Variants in EYS observed in about 807,000 individuals in gnomAD.
EYS encodes the protein protein eyes shut homolog.
Under a neutral mutation model 282.1 loss-of-function variants are expected in EYS, and 250 were observed. The ratio of observed to expected loss-of-function variants is 0.89; its 90% CI spans 0.80 to 0.98. EYS has a LOEUF of 0.98. Among genes scored for constraint, EYS ranks in the 50% least tolerant of loss-of-function variants. The pLI, the probability that EYS is intolerant of heterozygous loss-of-function variation, is 0.00. For synonymous variants in EYS, 1,355 were observed against 1,282.9 expected, an observed-to-expected ratio of 1.06 and a Z score of -1.20; for missense variants, 4,016 against 3,709.0, an observed-to-expected ratio of 1.08 and a Z score of -2.15.
intron 14 of EYS, among the ~76,000 whole-genome samples, chr6:64,949,977 A>G (rs1311106351): frequency 1.3e-5 from 2 of 151,968 alleles, no homozygotes; most frequent in Non-Finnish European, 2.9e-5. Context: ...AGATCTAACA[A>G]CGTCAAAGAA....
intron 26 of EYS, among the ~76,000 whole-genome samples, chr6:64,523,654 G>C (rs139837248): frequency 1.1e-4 from 17 of 151,778 alleles, no homozygotes; most frequent in African/African-American, 3.6e-4. Context: ...TGCTTCTTGA[G>C]AGAGGAATGG....
At chr6:64,779,512 A>G (rs1416429302) in intron 22 of EYS, among the ~76,000 whole-genome samples, 1 of 152,164 alleles carries the variant, frequency 6.6e-6, no homozygotes, top group African/African-American at 2.4e-5. Context: ...TAGAGGAAGC[A>G]TAGGATTTTT....
chr6:65,404,272 C>T (rs762562566), intron 6 of EYS, among the ~76,000 whole-genome samples: 1 of 152,054 alleles, frequency 6.6e-6, no homozygotes, highest in Non-Finnish European at 1.5e-5. Flanking sequence ...ACACTGGATC[C>T]ACCCAAATAA....
chr6:63,758,127 T>A (rs1769538375), intron 41 of EYS, among the ~76,000 whole-genome samples: 1 of 152,128 alleles, frequency 6.6e-6, no homozygotes, highest in African/African-American at 2.4e-5. Flanking sequence ...GGTCTAGAAC[T>A]CCTAGCCTCA....
intron 35 of EYS, among the ~76,000 whole-genome samples, chr6:63,931,875 TTCTA>T (rs1372434438): frequency 7.9e-5 from 12 of 152,302 alleles, no homozygotes; most frequent in African/African-American, 1.7e-4. Flanking sequence ...AACTTATTCT[TTCTA>T]TCTAACTGTA....
intron 26 of EYS, among the ~76,000 whole-genome samples, chr6:64,538,497 T>C (rs967839422): frequency 2.0e-5 from 3 of 152,194 alleles, no homozygotes; most frequent in Non-Finnish European, 4.4e-5. Flanking sequence ...CTTTTCATAA[T>C]ATCTATGCCC....
chr6:65,436,021 A>G (rs538851209), intron 5 of EYS, among the ~76,000 whole-genome samples: 82 of 152,296 alleles, frequency 5.4e-4, no homozygotes, highest in African/African-American at 2.0e-3. Flanking sequence ...CATCCAGTAC[A>G]TGGCCCTTTT....
rs997620814 is a variant in EYS at position 63,993,196 on chromosome 6, C to T, written c.6834+5879G>A. Reference sequence around the variant, plus strand: ...AGGAGGAAATTAATTCAACAGAATACATATCATACTCAATGGTGAACACCT... The same window carrying T: ...AGGAGGAAATTAATTCAACAGAATATATATCATACTCAATGGTGAACACCT... On this transcript the variant is annotated intron_variant, in intron 34 of 42. Transcript: ENST00000503581. Among the ~76,000 whole-genome samples, 8 of 151,736 alleles carry T rather than the reference C, an allele frequency of 5.3e-5. No homozygotes were observed. The East Asian group carries it at 1.4e-3, about 26-fold the overall frequency.
At chr6:65,223,840 T>G (rs56892165) in intron 12 of EYS, among the ~76,000 whole-genome samples, 2 of 151,938 alleles carry the variant, frequency 1.3e-5, no homozygotes, top group African/African-American at 4.8e-5. Context: ...TACCAGTTGG[T>G]CCACCACATA....
chr6:63,945,447 C>T (rs1485151095), intron 35 of EYS, among the ~76,000 whole-genome samples: 1 of 152,020 alleles, frequency 6.6e-6, no homozygotes, highest in Non-Finnish European at 1.5e-5. Context: ...CACAGCCAAA[C>T]CATATCAGCC....
rs184787622 is a variant in EYS, at chr6:64,533,308, A to G, written c.5644+56915T>C. Among the ~76,000 whole-genome samples, 368 of 152,332 alleles carry G rather than the reference A, an allele frequency of 2.4e-3. 1 individual carries two copies. Among genetic ancestry groups the G allele is most frequent in the African/African-American group, 8.5e-3 (353 of 41,596 alleles). On this transcript the variant is annotated intron_variant, in intron 26 of 42. Coordinates refer to ENST00000503581, the MANE Select transcript of EYS (RefSeq NM_001142800.2). ...AGAACTACTTGAAGAAGTATGTAGT[A>G]ATCATTTTCTAAAATTGATGAAAAG...
chr6:63,988,820 G>A (rs1052602300), intron 34 of EYS, among the ~76,000 whole-genome samples: 4 of 151,510 alleles, frequency 2.6e-5, no homozygotes, highest in Admixed American at 1.3e-4. Context: ...GGAGTGAAAC[G>A]AACACTCCTT....
chr6:65,062,507 T>G (rs982334061), intron 12 of EYS, among the ~76,000 whole-genome samples: 3 of 151,942 alleles, frequency 2.0e-5, no homozygotes, highest in African/African-American at 7.2e-5. Flanking sequence ...CAGAGTAATT[T>G]TTTTAAGTGT....
intron 29 of EYS, among the ~76,000 whole-genome samples, chr6:64,335,334 C>A (rs2150393094): frequency 7.0e-6 from 1 of 142,388 alleles, no homozygotes; most frequent in East Asian, 2.4e-4. Context: ...TATCTATACT[C>A]CCCAACTCCA....
intron 11 of EYS, chr6:65,329,219 A>C: frequency 8.4e-6 from 3 of 358,150 alleles, no homozygotes; most frequent in Non-Finnish European, 1.2e-5. Flanking sequence ...AAAATATATG[A>C]GAGATAATTG....
At chr6:65,493,431 C>G (rs967374322) in intron 4 of EYS, among the ~76,000 whole-genome samples, 3 of 152,166 alleles carry the variant, frequency 2.0e-5, no homozygotes, top group Non-Finnish European at 4.4e-5. Context: ...CTATTATTAT[C>G]AGCTGTGTCA....
Position 64,501,268 on chromosome 6 carries a change from A to G in EYS, c.5645-61916T>C, listed in dbSNP as rs150766241. Reference sequence around the variant, plus strand: ...AAACAAGAGAACAAATGTCTATTCCATTTACCTTGTGGTATTTTGAGCTGT... The same window carrying G: ...AAACAAGAGAACAAATGTCTATTCCGTTTACCTTGTGGTATTTTGAGCTGT... On this transcript the variant is annotated intron_variant, in intron 26 of 42. Transcript: ENST00000503581. Among the ~76,000 whole-genome samples the G allele has an allele frequency of 1.3e-3, 196 of 152,150 alleles. 1 individual carries two copies. Among genetic ancestry groups the G allele is most frequent in the African/African-American group, 4.3e-3 (177 of 41,526 alleles).
chr6:65,632,607 TG>T (rs1766955794), intron 2 of EYS, among the ~76,000 whole-genome samples: 1 of 152,204 alleles, frequency 6.6e-6, no homozygotes, highest in African/African-American at 2.4e-5. Flanking sequence ...CATTTTCCAT[TG>T]AAAGGTCAGC....
At chr6:65,255,299 G>T (rs1463900838) in intron 12 of EYS, among the ~76,000 whole-genome samples, 1 of 151,924 alleles carries the variant, frequency 6.6e-6, no homozygotes, top group Non-Finnish European at 1.5e-5. Context: ...TTCAATAAGT[G>T]GTGCTAGGAA....
Sources: allele counts gnomAD v4.1 joint callset (sites outside exome capture counted in the v4.1 genomes callset), GRCh38; gene constraint gnomAD v4.1.1; transcripts MANE v1.5; gene names NCBI Gene and HGNC (gene_info 2026-07-23, HGNC 2026-07-21).